Variants in PAPOLA observed in about 807,000 individuals in gnomAD.
PAPOLA encodes the protein poly(A) polymerase alpha.
In PAPOLA, 15 loss-of-function variants were observed where a neutral mutation model predicts 100.6. The ratio of observed to expected loss-of-function variants is 0.15; its 90% CI spans 0.10 to 0.23. PAPOLA has a LOEUF of 0.23. Ranked by LOEUF, PAPOLA falls within the 10% of genes least tolerant of loss-of-function variation. The pLI, the probability that PAPOLA is intolerant of heterozygous loss-of-function variation, is 1.00. For missense variants in PAPOLA, 533 were observed against 884.2 expected (o/e 0.60, Z 5.04); for synonymous variants, 293 against 300.0 (o/e 0.98, Z 0.24).
rs1255630348 is a variant in PAPOLA, at chr14:96,537,050, C to G, written c.1105C>G (p.Gln369Glu). Residue 369 changes from glutamine (Q) to glutamate (E), a missense_variant, in exon 12 of 22, where the codon CAA becomes GAA. Gln to Glu is a conservative substitution (Grantham distance 29). Coordinates refer to ENST00000216277, the MANE Select transcript of PAPOLA (RefSeq NM_032632.5). ...SKLFEAPNFF[Q>E]KYKHYIVLLA... ...ACTTTTTGAAGCTCCAAACTTCTTT[C>G]AAAAGTACAAGTATGTATTTTAAGG... 1 of 1,589,804 alleles carries G rather than the reference C, an allele frequency of 6.3e-7. No homozygotes were observed. Among genetic ancestry groups the G allele is most frequent in the Non-Finnish European group, 8.6e-7 (1 of 1,158,172 alleles).
chr14:96,521,449 T>G (rs554356731), intron 3 of PAPOLA, among the ~76,000 whole-genome samples: 159 of 152,274 alleles, frequency 1.0e-3, no homozygotes, highest in African/African-American at 3.6e-3. Context: ...TAAAAAAGAT[T>G]TTCAGGTATT....
chr14:96,535,291 C>G (rs1466680779), intron 10 of PAPOLA: 3 of 983,566 alleles, frequency 3.1e-6, no homozygotes, highest in Non-Finnish European at 3.6e-6. Context: ...TTCCGAACCT[C>G]AAGGCATTTA....
At chr14:96,535,511 C>CA (rs1899441877) in intron 10 of PAPOLA, 3 of 987,378 alleles carry the variant, frequency 3.0e-6, no homozygotes, top group Admixed American at 6.1e-5. Context: ...AATTAGCTTA[C>CA]AAAACATTGT....
chr14:96,525,537 AGAT>A (rs923755889), intron 4 of PAPOLA, 146 bp downstream of exon 4: 1 of 507,786 alleles, frequency 2.0e-6, no homozygotes, highest in African/African-American at 2.0e-5. Context: ...TCAGTAAGAA[AGAT>A]GTAAAATAAT....
At chr14:96,521,871 G>T (rs1305340342) in intron 3 of PAPOLA, among the ~76,000 whole-genome samples, 1 of 152,146 alleles carries the variant, frequency 6.6e-6, no homozygotes, top group African/African-American at 2.4e-5. Flanking sequence ...GAGTGCAGTG[G>T]TGCCACTGCA....
At chr14:96,520,349 T>A in intron 2 of PAPOLA, 121 bp downstream of exon 2, 3 of 720,350 alleles carry the variant, frequency 4.2e-6, no homozygotes, top group Non-Finnish European at 4.4e-6. Context: ...TCTATATATC[T>A]GTTTTGGAGA....
intron 1 of PAPOLA, among the ~76,000 whole-genome samples, chr14:96,519,003 G>A (rs1453799878): frequency 1.3e-5 from 2 of 152,130 alleles, no homozygotes; most frequent in African/African-American, 4.8e-5. Flanking sequence ...GTTGCAGTGA[G>A]CTGAGATCGT....
At chr14:96,559,571 C>CTA in intron 19 of PAPOLA, among the ~76,000 whole-genome samples, 1 of 115,626 alleles carries the variant, frequency 8.6e-6, no homozygotes, top group Non-Finnish European at 1.8e-5. Context: ...CTCTCTCTCT[C>CTA]TCTCTCTCTC....
chr14:96,542,605 G>A, intron 13 of PAPOLA, 169 bp from the exon 14 acceptor site: 1 of 621,536 alleles, frequency 1.6e-6, no homozygotes, highest in Non-Finnish European at 2.7e-6. Context: ...TGAATGGAGT[G>A]TTTCTTGGCT....
chr14:96,533,950 C>G, intron 9 of PAPOLA: 1 of 985,126 alleles, frequency 1.0e-6, no homozygotes, highest in Non-Finnish European at 1.2e-6. Flanking sequence ...CAGTTTTTAC[C>G]TCTTTCATAT....
intron 10 of PAPOLA, 119 bp downstream of exon 10, chr14:96,534,682 C>A: frequency 6.5e-7 from 1 of 1,534,050 alleles, no homozygotes; most frequent in Non-Finnish European, 8.7e-7. Context: ...GTCCGTATTA[C>A]ACTTTCTTTT....
chr14:96,516,331 T>G (rs1897458763), intron 1 of PAPOLA, among the ~76,000 whole-genome samples: 1 of 152,014 alleles, frequency 6.6e-6, no homozygotes, highest in Admixed American at 6.6e-5. Flanking sequence ...TTTTCTTTCT[T>G]TCTTTCCTTC....
At chr14:96,502,839 G>C (rs1457199922) in intron 1 of PAPOLA, 1 of 429,510 alleles carries the variant, frequency 2.3e-6, no homozygotes, top group Non-Finnish European at 4.1e-6. Flanking sequence ...GTCGGGCCGG[G>C]GGCCTTCCCC....
intron 3 of PAPOLA, among the ~76,000 whole-genome samples, chr14:96,524,687 A>ATT (rs1770152034): frequency 6.6e-6 from 1 of 152,132 alleles, no homozygotes; most frequent in Non-Finnish European, 1.5e-5. Context: ...TGCCCAGCTA[A>ATT]TTTTTAAAAC....
intron 1 of PAPOLA, among the ~76,000 whole-genome samples, chr14:96,517,393 A>G (rs1361449941): frequency 6.6e-6 from 1 of 152,190 alleles, no homozygotes; most frequent in Non-Finnish European, 1.5e-5. Context: ...GCGTGCTCTT[A>G]TGGCAGAAAA....
intron 15 of PAPOLA, among the ~76,000 whole-genome samples, chr14:96,546,911 T>C (rs1900437056): frequency 6.6e-6 from 1 of 152,100 alleles, no homozygotes; most frequent in African/African-American, 2.4e-5. Context: ...TGATGTTTGC[T>C]TTCTCTGGAA....
At chr14:96,542,597 A>T in intron 13 of PAPOLA, 177 bp from the exon 14 acceptor site, 1 of 596,700 alleles carries the variant, frequency 1.7e-6, no homozygotes, top group Non-Finnish European at 2.9e-6. Flanking sequence ...TGCTGGTGTG[A>T]ATGGAGTGTT....
chr14:96,534,290 A>G, intron 9 of PAPOLA: 3 of 1,363,396 alleles, frequency 2.2e-6, no homozygotes, highest in Non-Finnish European at 2.8e-6. Context: ...TGAGAAGGCT[A>G]CCAAATGGTT....
chr14:96,525,642 T>G (rs191348326), intron 4 of PAPOLA, among the ~76,000 whole-genome samples: 1 of 152,234 alleles, frequency 6.6e-6, no homozygotes, highest in Non-Finnish European at 1.5e-5. Flanking sequence ...TCCTAGAACT[T>G]TGGGAGGCCG....
Sources: gnomAD v4.1 joint callset for allele counts (sites outside exome capture counted in the v4.1 genomes callset) on GRCh38, gnomAD v4.1.1 for gene constraint, MANE v1.5 for transcripts, NCBI Gene and HGNC (gene_info 2026-07-23, HGNC 2026-07-21) for gene names.